The following IPO8 variants were observed in gnomAD, a reference collection of about 807,000 sequenced individuals.
IPO8 encodes the protein importin-8.
IPO8 carries 65 observed loss-of-function variants against 141.2 expected under a neutral mutation model. That is an observed-to-expected ratio of 0.46 (90% CI 0.38 to 0.57). IPO8 has a LOEUF of 0.57. IPO8 is among the 20% of genes least tolerant of loss of function. The pLI, the probability that IPO8 is intolerant of heterozygous loss-of-function variation, is 0.00. For synonymous variants in IPO8, 411 were observed against 420.3 expected, an observed-to-expected ratio of 0.98 and a Z score of 0.27; for missense variants, 980 against 1,246.8, an observed-to-expected ratio of 0.79 and a Z score of 3.22.
rs531286098 is a variant in IPO8 at position 30,661,379 on chromosome 12, T to A, written c.1756-113A>T. The A allele has an allele frequency of 8.7e-4, 789 of 906,294 alleles. 9 individuals carry two copies. Among genetic ancestry groups the A allele is most frequent in the Middle Eastern group, 1.4e-3 (6 of 4,232 alleles). 56.1% of individuals were successfully genotyped at this position (906,294 alleles called of 1,614,324 possible). On this transcript the variant is annotated intron_variant, in intron 15 of 24. Coordinates refer to ENST00000256079, the MANE Select transcript of IPO8 (RefSeq NM_006390.4). ...ATCTGAAGTCTGCATTGCTCAAACTTTGAAGTCTGCACTTTGCTGACTGAA... is the reference window on the plus strand; with the variant it reads ...ATCTGAAGTCTGCATTGCTCAAACTATGAAGTCTGCACTTTGCTGACTGAA...
Position 30,677,337 on chromosome 12 carries a change from A to G in IPO8, c.640-750T>C, listed in dbSNP as rs534608684. Reference sequence around the variant, plus strand: ...TCACAGCACAATGCATTACTCAAATATTTGTGGTGATGCTGGTGCAAACAA... The same window carrying G: ...TCACAGCACAATGCATTACTCAAATGTTTGTGGTGATGCTGGTGCAAACAA... On this transcript the variant is annotated intron_variant, in intron 5 of 24. Coordinates refer to ENST00000256079, the MANE Select transcript of IPO8 (RefSeq NM_006390.4). 3.2e-5 allele frequency: 11 copies of G among 347,418 alleles called. No individual in the cohort carries two copies. The East Asian group carries it at 7.4e-4, about 23-fold the overall frequency. The allele number at this position is 347,418 out of a possible 1,614,324, so 21.5% of individuals were successfully genotyped here. A position where few individuals can be genotyped will look rare whatever the true frequency, so the allele number is the denominator to read the frequency against.
intron 17 of IPO8, among the ~76,000 whole-genome samples, chr12:30,654,618 T>A (rs889996363): frequency 5.9e-5 from 9 of 151,982 alleles, no homozygotes; most frequent in South Asian, 2.1e-4. Flanking sequence ...TACAAAAAAA[T>A]ATTTTAAATC....
chr12:30,662,219 G>A, intron 15 of IPO8, 108 bp downstream of exon 15: 1 of 808,298 alleles, frequency 1.2e-6, no homozygotes, highest in Non-Finnish European at 2.0e-6. Flanking sequence ...CTGAAATGTT[G>A]TTAAGCAGCA....
intron 20 of IPO8, among the ~76,000 whole-genome samples, chr12:30,645,414 T>C (rs540540290): frequency 6.7e-6 from 1 of 148,518 alleles, no homozygotes; most frequent in African/African-American, 2.5e-5. Context: ...CAAATATAAA[T>C]TGTGGACTTA....
In IPO8 at chr12:30,637,202, G is replaced by GAAA. The variant is rs545861188; in HGVS notation, c.2490-18_2490-16dup. Reference sequence around the variant, plus strand: ...GGTCATGATGCCTGCAAATTTTGAAGAAAAAAAAAATGTAGACATGAGAAG... The same window carrying GAAA: ...GGTCATGATGCCTGCAAATTTTGAAGAAAAAAAAAAAAATGTAGACATGAGAAG... On this transcript the variant is annotated splice_polypyrimidine_tract_variant and intron_variant, in intron 21 of 24. Coordinates refer to ENST00000256079, the MANE Select transcript of IPO8 (RefSeq NM_006390.4). 2.7e-6 allele frequency: 4 copies of GAAA among 1,463,934 alleles called. No homozygotes were observed. Among genetic ancestry groups the GAAA allele is most frequent in the Admixed American group, 2.0e-5 (1 of 49,126 alleles). The allele number at this position is 1,463,934 out of a possible 1,614,324, so 90.7% of individuals were successfully genotyped here.
intron 17 of IPO8, 134 bp downstream of exon 17, chr12:30,656,550 C>A: frequency 2.0e-6 from 1 of 511,890 alleles, no homozygotes; most frequent in South Asian, 2.8e-5. Flanking sequence ...AAAGGACATC[C>A]AAAAATTGAA....
Position 30,681,748 on chromosome 12 carries a change from G to A in IPO8, c.393C>T (p.Val131=), listed in dbSNP as rs1414184892. The A allele has an allele frequency of 1.1e-5, 18 of 1,613,712 alleles. No homozygotes were observed. The highest frequency in any genetic ancestry group is 2.2e-5 in the South Asian group (2 of 91,040). ...HDFPGHWPGV[V]DKIDYYLQSQ... Reference sequence around the variant, plus strand: ...ATTGCAAGTAATAGTCTATCTTGTCGACCACTCCTGGCCAGTGACCAGGAA... The same window carrying A: ...ATTGCAAGTAATAGTCTATCTTGTCAACCACTCCTGGCCAGTGACCAGGAA... The change falls in exon 4 of 25, where the codon GTC becomes GTT. Residue 131 remains valine (V), a synonymous_variant. Transcript: ENST00000256079.
intron 13 of IPO8, among the ~76,000 whole-genome samples, chr12:30,664,032 T>C (rs1430561418): frequency 1.3e-5 from 2 of 152,220 alleles, no homozygotes; most frequent in Non-Finnish European, 2.9e-5. Context: ...TATTTTCCCT[T>C]ACACTAACTG....
chr12:30,666,806 G>A (rs2052972718), intron 10 of IPO8, among the ~76,000 whole-genome samples: 1 of 152,108 alleles, frequency 6.6e-6, no homozygotes. Flanking sequence ...TAACATTTAA[G>A]CAGAAATTGA....
chr12:30,649,898 G>A (rs968920357), intron 19 of IPO8, among the ~76,000 whole-genome samples: 1 of 151,872 alleles, frequency 6.6e-6, no homozygotes, highest in Non-Finnish European at 1.5e-5. Flanking sequence ...ATTAAAAATT[G>A]TTTAAGGTAA....
At chr12:30,632,632 G>A (rs2052448446) in intron 23 of IPO8, among the ~76,000 whole-genome samples, 1 of 152,028 alleles carries the variant, frequency 6.6e-6, no homozygotes, top group African/African-American at 2.4e-5. Context: ...TCATCTGTAT[G>A]CTGCTTTCCA....
At chr12:30,659,575 G>C (rs1179521430) in intron 16 of IPO8, among the ~76,000 whole-genome samples, 1 of 151,944 alleles carries the variant, frequency 6.6e-6, no homozygotes, top group African/African-American at 2.4e-5. Context: ...GCTACGGCTG[G>C]GCACGGTGGC....
chr12:30,692,348 A>C (rs1325433248), intron 1 of IPO8, among the ~76,000 whole-genome samples: 1 of 152,186 alleles, frequency 6.6e-6, no homozygotes, highest in Non-Finnish European at 1.5e-5. Context: ...TGCCATTTTA[A>C]AAAATTTCAG....
intron 22 of IPO8, 63 bp from the exon 23 acceptor site, chr12:30,634,349 C>G: frequency 1.5e-6 from 2 of 1,344,948 alleles, no homozygotes; most frequent in Non-Finnish European, 2.1e-6. Context: ...TAAAACTTCA[C>G]GACAAAAACC....
chr12:30,657,253 T>G (rs2052812854), intron 16 of IPO8, among the ~76,000 whole-genome samples: 1 of 152,180 alleles, frequency 6.6e-6, no homozygotes, highest in African/African-American at 2.4e-5. Context: ...TTTTAAAAAT[T>G]GAAATACAAT....
At chr12:30,661,296 A>G (rs759653472) in intron 15 of IPO8, 30 bp from the exon 16 acceptor site, 2 of 1,560,584 alleles carry the variant, frequency 1.3e-6, no homozygotes, top group Admixed American at 3.8e-5. Context: ...GTATTCCGCA[A>G]TTAGTAGTAC....
Position 30,695,680 on chromosome 12 carries a change from CA to C in IPO8, c.-34del, listed in dbSNP as rs1387594775. On this transcript the variant is annotated 5_prime_UTR_variant, in exon 1 of 25. Coordinates refer to ENST00000256079, the MANE Select transcript of IPO8 (RefSeq NM_006390.4). The surrounding 1 kb of genome is among the most constrained non-coding windows in gnomAD (Gnocchi z 4.2). ...GGTGGGGGCTCCGCGGCCCCCGGAA[CA>C]GTAGGCCGGACTGCAGCTTTAGTTT... 6.3e-7 allele frequency: 1 copy of C among 1,594,852 alleles called. No individual in the cohort carries two copies. Among genetic ancestry groups the C allele is most frequent in the Non-Finnish European group, 8.6e-7 (1 of 1,163,278 alleles).
rs2052509303 is a variant in IPO8 at position 30,636,888 on chromosome 12, T to C, written c.2695+94A>G. ...TGTGTAGCAGGCCGAAGAATGTAAA[T>C]CTGTTTAATGTCTCCATATAGACTA... On this transcript the variant is annotated intron_variant, in intron 22 of 24. Coordinates refer to ENST00000256079, the MANE Select transcript of IPO8 (RefSeq NM_006390.4). The C allele has an allele frequency of 6.7e-6, 7 of 1,042,974 alleles. No homozygotes were observed. The East Asian group carries it at 1.5e-4, about 23-fold the overall frequency. 64.6% of individuals were successfully genotyped at this position (1,042,974 alleles called of 1,614,324 possible).
intron 20 of IPO8, among the ~76,000 whole-genome samples, chr12:30,648,290 A>G (rs1273600539): frequency 1.3e-5 from 2 of 152,238 alleles, no homozygotes; most frequent in African/African-American, 4.8e-5. Context: ...TGAACCTTGA[A>G]AACCTATGAC....
Sources: allele counts gnomAD v4.1 joint callset (sites outside exome capture counted in the v4.1 genomes callset), GRCh38; gene constraint gnomAD v4.1.1; non-coding constraint Gnocchi (gnomAD v3.1); transcripts MANE v1.5; gene names NCBI Gene and HGNC (gene_info 2026-07-23, HGNC 2026-07-21).